Variants in ROBO2 observed in about 807,000 individuals in gnomAD.
ROBO2 encodes roundabout homolog 2.
Under a neutral mutation model 160.8 loss-of-function variants are expected in ROBO2, and 53 were observed. That is an observed-to-expected ratio of 0.33 (90% CI 0.26 to 0.41). The LOEUF (loss-of-function observed/expected upper bound fraction) is 0.41, where lower values mean the gene tolerates loss of function less well. Ranked by LOEUF, ROBO2 falls within the 10% of genes least tolerant of loss-of-function variation. The pLI, the probability that ROBO2 is intolerant of heterozygous loss-of-function variation, is 1.00. For missense variants in ROBO2, 1,577 were observed against 1,722.4 expected (o/e 0.92, Z 1.49); for synonymous variants, 664 against 611.7 (o/e 1.09, Z -1.26).
At chr3:76,530,714 T>A (rs561995760) in intron 2 of ROBO2, among the ~76,000 whole-genome samples, 1 of 152,178 alleles carries the variant, frequency 6.6e-6, no homozygotes, top group African/African-American at 2.4e-5. Flanking sequence ...TCCAGTGAAA[T>A]GTGTGCACAA....
At chr3:76,827,802 G>GA (rs146683950) in intron 2 of ROBO2, among the ~76,000 whole-genome samples, 1,536 of 147,708 alleles carry the variant, frequency 0.01, 24 homozygotes, top group African/African-American at 0.036. Context: ...TAGCAGCTTG[G>GA]AAAAAAAAAA....
At chr3:75,943,261 C>T (rs1382696116) in intron 2 of ROBO2, among the ~76,000 whole-genome samples, 2 of 152,188 alleles carry the variant, frequency 1.3e-5, no homozygotes, top group African/African-American at 2.4e-5. Flanking sequence ...TCTTACTATT[C>T]AACATAATAA....
At chr3:76,855,838 A>G (rs2070004551) in intron 2 of ROBO2, among the ~76,000 whole-genome samples, 1 of 152,236 alleles carries the variant, frequency 6.6e-6, no homozygotes, top group African/African-American at 2.4e-5. Flanking sequence ...CAAACAACTA[A>G]TTTATAAAAT....
At chr3:77,074,668 C>T (rs902302699) in intron 1 of ROBO2, among the ~76,000 whole-genome samples, 2 of 152,042 alleles carry the variant, frequency 1.3e-5, no homozygotes, top group Non-Finnish European at 2.9e-5. Flanking sequence ...AAAGCATCAC[C>T]TTTATTGTTT....
chr3:76,518,652 T>C (rs1278493281), intron 2 of ROBO2, among the ~76,000 whole-genome samples: 1 of 152,158 alleles, frequency 6.6e-6, no homozygotes, highest in African/African-American at 2.4e-5. Context: ...AAAACAAATA[T>C]ATAGCTATGG....
rs567212630 is a variant in ROBO2 at position 76,923,232 on chromosome 3, G to C, written c.110-174782G>C. 4.6e-5 allele frequency among the ~76,000 whole-genome samples: 7 copies of C among 152,318 alleles called. No homozygotes were observed. The East Asian group carries it at 1.4e-3, about 29-fold the overall frequency. On this transcript the variant is annotated intron_variant, in intron 2 of 26. Transcript: ENST00000487694. The stretch of plus-strand genomic sequence containing the variant: ...AATATGAATCATTGCTGGAGGCTCA[G>C]GAAGAACGGCTCCCCGCCATTCTGC...
chr3:77,126,714 T>TATATATATATATATATATATATA lies in ROBO2; in HGVS notation c.388+28374_388+28375insATATATATATATATATATATATA, dbSNP rs1560065744. Among the ~76,000 whole-genome samples the TATATATATATATATATATATATA allele has an allele frequency of 1.0e-3, 143 of 137,650 alleles. 1 individual carries two copies. The highest frequency in any genetic ancestry group is 4.8e-3 in the African/African-American group (140 of 29,238). The allele number at this position is 137,650 out of a possible 152,430, so 90.3% of individuals were successfully genotyped here. ...TATGGGTGGATATATATATATATAT[T>TATATATATATATATATATATATA]TTTTTTCCTTTGAAAGATGGTGAAG... On this transcript the variant is annotated intron_variant, in intron 2 of 25. Coordinates refer to ENST00000461745, the Ensembl canonical transcript of ROBO2.
intron 2 of ROBO2, among the ~76,000 whole-genome samples, chr3:76,022,286 ACTT>A (rs990340247): frequency 1.3e-4 from 19 of 151,762 alleles, no homozygotes; most frequent in African/African-American, 4.1e-4. Flanking sequence ...GTTGGACTCA[ACTT>A]CTTCTAAACT....
intron 2 of ROBO2, among the ~76,000 whole-genome samples, chr3:76,053,355 C>A (rs780915175): frequency 4.6e-5 from 7 of 151,978 alleles, no homozygotes; most frequent in Non-Finnish European, 7.4e-5. Flanking sequence ...CACTTAAAGT[C>A]TGAGACTATT....
At chr3:77,489,100 C>T (rs897595039) in intron 4 of ROBO2, among the ~76,000 whole-genome samples, 5 of 152,144 alleles carry the variant, frequency 3.3e-5, no homozygotes, top group Admixed American at 2.0e-4. Context: ...CAGAATAATA[C>T]TTTAAAATAT....
At chr3:76,213,686 G>GA (rs2107338849) in intron 2 of ROBO2, among the ~76,000 whole-genome samples, 1 of 152,260 alleles carries the variant, frequency 6.6e-6, no homozygotes, top group East Asian at 1.9e-4. Context: ...CATAAAGGTA[G>GA]AAAATCAGGT....
chr3:77,140,413 A>G (rs1049752930), intron 2 of ROBO2, among the ~76,000 whole-genome samples: 1 of 152,202 alleles, frequency 6.6e-6, no homozygotes, highest in Admixed American at 6.5e-5. Context: ...TTTTATTTAT[A>G]TCATGAAATT....
Position 77,474,657 on chromosome 3 carries a change from TACACACACACAC to T in ROBO2, c.389-2734_389-2723del, listed in dbSNP as rs9286680. 7.0e-5 allele frequency among the ~76,000 whole-genome samples: 9 copies of T among 128,574 alleles called. No individual in the cohort carries two copies. In the South Asian group the frequency reaches 2.0e-3, roughly 29 times the overall value. 84.3% of individuals were successfully genotyped at this position (128,574 alleles called of 152,430 possible). A position where few individuals can be genotyped will look rare whatever the true frequency, so the allele number is the denominator to read the frequency against. On this transcript the variant is annotated intron_variant, in intron 2 of 25. Coordinates refer to ENST00000461745, the Ensembl canonical transcript of ROBO2. ...TCTAGGGTAGAGGATTTAGGGGGAA[TACACACACACAC>T]ACACACACACACACACACACACTCA... is the stretch of plus-strand genomic sequence containing the variant.
At chr3:76,484,370 A>G (rs977829520) in intron 2 of ROBO2, among the ~76,000 whole-genome samples, 3 of 152,138 alleles carry the variant, frequency 2.0e-5, no homozygotes, top group Non-Finnish European at 2.9e-5. Context: ...TTGATTTAAA[A>G]AATAAGAAAA....
intron 2 of ROBO2, among the ~76,000 whole-genome samples, chr3:77,247,081 T>G (rs551463992): frequency 1.3e-5 from 2 of 152,338 alleles, no homozygotes; most frequent in African/African-American, 4.8e-5. Context: ...AGTAAACAAT[T>G]GTATCTATTA....
chr3:77,475,068 T>TGA (rs71104689), intron 2 of ROBO2, among the ~76,000 whole-genome samples: 6 of 150,536 alleles, frequency 4.0e-5, no homozygotes, highest in Middle Eastern at 3.4e-3. Context: ...GTTTTTCAAC[T>TGA]GAGAGAGAGA....
intron 2 of ROBO2, among the ~76,000 whole-genome samples, chr3:77,114,099 G>C (rs2073962829): frequency 6.6e-6 from 1 of 152,156 alleles, no homozygotes; most frequent in South Asian, 2.1e-4. Flanking sequence ...ACCACGTTCT[G>C]ACCATTTTCT....
chr3:77,643,948 T>C (rs1366723386), intron 24 of ROBO2, among the ~76,000 whole-genome samples: 2 of 152,070 alleles, frequency 1.3e-5, no homozygotes, highest in African/African-American at 2.4e-5. Context: ...GTAAATTCAG[T>C]GAGCATTAAT....
intron 2 of ROBO2, among the ~76,000 whole-genome samples, chr3:76,049,403 A>ATTTTTTTTTTTCT (rs2067576132): frequency 1.9e-5 from 1 of 53,752 alleles, no homozygotes; most frequent in African/African-American, 1.5e-4. Flanking sequence ...ATATATATAT[A>ATTTTTTTTTTTCT]TTTTTTTTTT....
Sources: gnomAD v4.1 joint callset for allele counts (sites outside exome capture counted in the v4.1 genomes callset) on GRCh38, gnomAD v4.1.1 for gene constraint, MANE v1.5 for transcripts, NCBI Gene and HGNC (gene_info 2026-07-23, HGNC 2026-07-21) for gene names.